EEF1G: variants seen among roughly 807,000 people sequenced by gnomAD.
EEF1G encodes the protein elongation factor 1-gamma.
Under a neutral mutation model 58.3 loss-of-function variants are expected in EEF1G, and 14 were observed. The ratio of observed to expected loss-of-function variants is 0.24; its 90% CI spans 0.16 to 0.38. EEF1G has a LOEUF of 0.38. Ranked by LOEUF, EEF1G falls within the 10% of genes least tolerant of loss-of-function variation. The pLI is 1.00. For synonymous variants in EEF1G, 180 were observed against 206.8 expected (o/e 0.87, Z 1.11); for missense variants, 322 against 550.1 (o/e 0.59, Z 4.15).
rs751579975 is a variant in EEF1G at position 62,571,905 on chromosome 11, G to A, written c.172-4C>T. ...CATCACCCTCAAATGCTGGGACCTG[G>A]GGACAAAGCAGTGAAAAGATAAGGT... On this transcript the variant is annotated splice_region_variant and splice_polypyrimidine_tract_variant and intron_variant, in intron 2 of 9. Coordinates refer to ENST00000329251, the MANE Select transcript of EEF1G (RefSeq NM_001404.5). The A allele has an allele frequency of 6.4e-7, 1 of 1,573,338 alleles. No individual in the cohort carries two copies. Among genetic ancestry groups the A allele is most frequent in the South Asian group, 1.2e-5 (1 of 85,336 alleles).
At chr11:62,570,469 C>A (rs1430608000) in intron 5 of EEF1G, among the ~76,000 whole-genome samples, 1 of 152,198 alleles carries the variant, frequency 6.6e-6, no homozygotes, top group Non-Finnish European at 1.5e-5. Context: ...AACATCTTAG[C>A]TGCCAAACAG....
At position 62,572,589 on chromosome 11, in the gene EEF1G, C is replaced by T. The variant is rs748691710; in HGVS notation, c.166G>A (p.Gly56Ser). ...CTCCCCATCTCCCAACTCACCTTGC[C>T]GGCAGGAAATTTGCGGAGAAATTCA... The part of the protein sequence containing the change: ...TPEFLRKFPA[G>S]KVPAFEGDDG... The change falls in exon 2 of 10, where the codon GGC becomes AGC. Residue 56 changes from glycine (G) to serine (S), a missense_variant. This residue lies in a region of EEF1G where 62 missense variants were observed against 87.0 expected (regional missense o/e 0.71). Coordinates refer to ENST00000329251, the MANE Select transcript of EEF1G (RefSeq NM_001404.5). 1 of 1,611,864 alleles carries T rather than the reference C, an allele frequency of 6.2e-7. No homozygotes were observed. Among genetic ancestry groups the T allele is most frequent in the African/African-American group, 1.3e-5 (1 of 74,848 alleles).
chr11:62,570,801 C>G (rs1427072665), intron 5 of EEF1G, among the ~76,000 whole-genome samples, 164 bp downstream of exon 5: 1 of 152,290 alleles, frequency 6.6e-6, no homozygotes, highest in East Asian at 1.9e-4. Context: ...GGTGATCTGC[C>G]TACCTCGGCC....
At chr11:62,570,870 A>G (rs1287317407) in intron 5 of EEF1G, 95 bp downstream of exon 5, 8 of 1,545,158 alleles carry the variant, frequency 5.2e-6, no homozygotes, top group Middle Eastern at 1.8e-4. Flanking sequence ...CTGTTTTCCA[A>G]GTCCTCAGCA....
At position 62,571,830 on chromosome 11, in the gene EEF1G, C is replaced by T. The variant is rs376992612; in HGVS notation, c.235+8G>A. On this transcript the variant is annotated splice_region_variant and intron_variant, in intron 3 of 9. Transcript: ENST00000329251. ...ATTCTCCCATTCCCATATACCCCTG[C>T]AAATTACCATAGTAGGCAATGGCGT... 6.3e-7 allele frequency: 1 copy of T among 1,586,128 alleles called. No homozygotes were observed. Among genetic ancestry groups the T allele is most frequent in the Non-Finnish European group, 8.6e-7 (1 of 1,166,012 alleles).
rs555340871 is a variant in EEF1G at position 62,562,782 on chromosome 11, G to A, written c.858-2328C>T. ...GCATGAGCCACCGTGCCCAGCCCAG[G>A]ATAATCTTTTATGTATTTTCCTACA... On this transcript the variant is annotated intron_variant, in intron 7 of 9. Transcript: ENST00000329251. Among the ~76,000 whole-genome samples the A allele has an allele frequency of 2.6e-5, 4 of 151,976 alleles. No homozygotes were observed. The South Asian group carries it at 6.2e-4, about 24-fold the overall frequency.
intron 5 of EEF1G, among the ~76,000 whole-genome samples, chr11:62,570,402 CCT>C (rs1374817107): frequency 6.6e-6 from 1 of 152,140 alleles, no homozygotes; most frequent in Non-Finnish European, 1.5e-5. Context: ...ACCATCATCA[CCT>C]CTGTCTTCAC....
At chr11:62,567,711 T>C (rs997798402) in intron 5 of EEF1G, among the ~76,000 whole-genome samples, 183 bp from the exon 6 acceptor site, 1 of 151,516 alleles carries the variant, frequency 6.6e-6, no homozygotes, top group Non-Finnish European at 1.5e-5. Context: ...TTTTTCAATT[T>C]TTTTTTTTTT....
chr11:62,564,196 C>T (rs1590707804), intron 7 of EEF1G, among the ~76,000 whole-genome samples: 1 of 152,368 alleles, frequency 6.6e-6, no homozygotes, highest in African/African-American at 2.4e-5. Flanking sequence ...GGGGCGGTGG[C>T]TCACGCCTGT....
At chr11:62,569,085 GCA>G (rs58533891) in intron 5 of EEF1G, among the ~76,000 whole-genome samples, 4 of 149,254 alleles carry the variant, frequency 2.7e-5, no homozygotes, top group Admixed American at 6.7e-5. Context: ...ATACACACAC[GCA>G]CACACACACA....
Position 62,566,967 on chromosome 11 carries a change from C to T in EEF1G, c.696G>A (p.Arg232=). 5 of 1,614,018 alleles carry T rather than the reference C, an allele frequency of 3.1e-6. No individual in the cohort carries two copies. Among genetic ancestry groups the T allele is most frequent in the Non-Finnish European group, 4.2e-6 (5 of 1,179,900 alleles). The stretch of plus-strand genomic sequence containing the variant: ...TCTCTTCCCGTGAACCCTTCTCTTT[C>T]CGTGGTGTGTCCTTTTTAGGTTGGG... ...AETQPKKDTP[R]KEKGSREEKQ... Residue 232 remains arginine, a synonymous_variant, in exon 7 of 10, where the codon CGG becomes CGA. Transcript: ENST00000329251.
intron 7 of EEF1G, 70 bp from the exon 8 acceptor site, chr11:62,560,524 G>T: frequency 6.7e-7 from 1 of 1,502,928 alleles, no homozygotes; most frequent in Non-Finnish European, 9.1e-7. Flanking sequence ...AGTGAAGGGT[G>T]CTTTCACTTA....
intron 2 of EEF1G, 55 bp from the exon 3 acceptor site, chr11:62,571,956 C>A: frequency 6.7e-7 from 1 of 1,491,534 alleles, no homozygotes; most frequent in Non-Finnish European, 9.2e-7. Context: ...TCTTCCTAAC[C>A]AATACCAGGA....
At chr11:62,573,782 G>A (rs760767592) in intron 1 of EEF1G, 49 bp downstream of exon 1, 26 of 1,613,214 alleles carry the variant, frequency 1.6e-5, no homozygotes, top group Non-Finnish European at 2.1e-5. Context: ...CTCGGGCAAA[G>A]GATGGCGGTG....
intron 7 of EEF1G, among the ~76,000 whole-genome samples, chr11:62,561,385 A>G (rs531510798): frequency 2.0e-5 from 3 of 150,364 alleles, no homozygotes; most frequent in South Asian, 2.1e-4. Context: ...GTCTGGGGGG[A>G]AAAAAAAGGA....
intron 7 of EEF1G, among the ~76,000 whole-genome samples, chr11:62,563,997 C>A (rs997460157): frequency 1.3e-5 from 2 of 152,210 alleles, no homozygotes; most frequent in Non-Finnish European, 2.9e-5. Flanking sequence ...TGCAGGGGCA[C>A]GATCATGGCT....
At chr11:62,559,939 G>C in intron 9 of EEF1G, 102 bp from the exon 10 acceptor site, 1 of 1,606,114 alleles carries the variant, frequency 6.2e-7, no homozygotes, top group Non-Finnish European at 8.5e-7. Context: ...GGTCTCCTGT[G>C]AACATGAACT....
intron 7 of EEF1G, among the ~76,000 whole-genome samples, chr11:62,563,708 A>G (rs537705311): frequency 2.0e-5 from 3 of 152,306 alleles, no homozygotes; most frequent in Non-Finnish European, 4.4e-5. Context: ...AATTTCACTC[A>G]ATCCTTATAA....
chr11:62,571,633 C>T lies in EEF1G; in HGVS notation c.285G>A (p.Val95=). The T allele has an allele frequency of 6.3e-7, 1 of 1,586,988 alleles. No homozygotes were observed. The highest frequency in any genetic ancestry group is 1.3e-5 in the African/African-American group (1 of 74,342). ...AATCAGCAAAGCTCACCCACTGCACCACCTGGGCTGCTGCCTCTGGAGTAC... is the reference window on the plus strand; with the variant it reads ...AATCAGCAAAGCTCACCCACTGCACTACCTGGGCTGCTGCCTCTGGAGTAC... ...RGSTPEAAAQ[V]VQWVSFADSD... The change falls in exon 4 of 10, where the codon GTG becomes GTA. Residue 95 remains valine (V), a synonymous_variant. Transcript: ENST00000329251.
Sources: gnomAD v4.1 joint callset for allele counts (sites outside exome capture counted in the v4.1 genomes callset) on GRCh38, gnomAD v4.1.1 for gene constraint, gnomAD v4.1.1 regional missense constraint, MANE v1.5 for transcripts, NCBI Gene and HGNC (gene_info 2026-07-23, HGNC 2026-07-21) for gene names.